PPP2R2A: variants seen among roughly 807,000 people sequenced by gnomAD.
The protein encoded by PPP2R2A is protein phosphatase 2 regulatory subunit Balpha, also known as serine/threonine-protein phosphatase 2A 55 kDa regulatory subunit B alpha isoform.
A neutral mutation model predicts 53.2 loss-of-function variants in PPP2R2A; 9 were observed. The observed-to-expected ratio is 0.17, with a 90% CI of 0.10 to 0.30. PPP2R2A has a LOEUF of 0.30. PPP2R2A is among the 10% of genes least tolerant of loss of function. The pLI is 1.00. For missense variants in PPP2R2A, 235 were observed against 534.6 expected (o/e 0.44, Z 5.53); for synonymous variants, 169 against 174.2 (o/e 0.97, Z 0.23).
rs974093986 is a variant in PPP2R2A at position 26,338,480 on chromosome 8, A to T, written c.83-410A>T. Among the ~76,000 whole-genome samples, 1 of 152,344 alleles carries T rather than the reference A, an allele frequency of 6.6e-6. No individual in the cohort carries two copies. The highest frequency in any genetic ancestry group is 3.4e-3 in the Middle Eastern group (1 of 294). Reference sequence around the variant, plus strand: ...TTTACATTTAAAATTCCCTCTCCTTATTAGTAATATGTGCCTTTATTATAG... The same window carrying T: ...TTTACATTTAAAATTCCCTCTCCTTTTTAGTAATATGTGCCTTTATTATAG... On this transcript the variant is annotated intron_variant, in intron 2 of 9. Coordinates refer to ENST00000380737, the MANE Select transcript of PPP2R2A (RefSeq NM_002717.4). This position sits in a 1 kb window ranked among gnomAD's most constrained non-coding sequence, Gnocchi z 4.5.
chr8:26,353,228 C>T (rs946334293), intron 3 of PPP2R2A, among the ~76,000 whole-genome samples: 2 of 152,116 alleles, frequency 1.3e-5, no homozygotes, highest in Non-Finnish European at 2.9e-5. Context: ...ATTTTTACCC[C>T]TTGTGTATCC....
chr8:26,318,999 A>ATTT (rs1476408094), intron 2 of PPP2R2A, among the ~76,000 whole-genome samples: 1 of 152,178 alleles, frequency 6.6e-6, no homozygotes, highest in Non-Finnish European at 1.5e-5. Context: ...CTTTATACCC[A>ATTT]TTAAAACATT....
chr8:26,292,176 C>G, intron 1 of PPP2R2A: 1 of 1,174,162 alleles, frequency 8.5e-7, no homozygotes, highest in Non-Finnish European at 1.1e-6. Context: ...CCCACCTTGC[C>G]CCCCGCCTTT....
At chr8:26,307,226 A>G (rs1333893189) in intron 2 of PPP2R2A, among the ~76,000 whole-genome samples, 1 of 152,212 alleles carries the variant, frequency 6.6e-6, no homozygotes, top group African/African-American at 2.4e-5. Flanking sequence ...GTGGACTCTA[A>G]ACAAAGCTAA....
chr8:26,291,862 A>G (rs937940866), intron 1 of PPP2R2A, 36 bp downstream of exon 1: 16 of 1,601,664 alleles, frequency 1.0e-5, no homozygotes, highest in East Asian at 2.3e-5. Flanking sequence ...CTGACAAGGC[A>G]CCGCTTCCTT....
chr8:26,343,970 T>G (rs1804082289), intron 3 of PPP2R2A, among the ~76,000 whole-genome samples: 1 of 152,218 alleles, frequency 6.6e-6, no homozygotes, highest in Non-Finnish European at 1.5e-5. Flanking sequence ...TGGACCCTTG[T>G]GTCCATGAGC....
At chr8:26,330,307 CT>C (rs11351968) in intron 2 of PPP2R2A, among the ~76,000 whole-genome samples, 92,249 of 129,964 alleles carry the variant, frequency 0.71, 31,983 homozygotes, top group East Asian at 0.83. Flanking sequence ...ATTCTTTTTT[CT>C]TTTTTTTTTT....
intron 3 of PPP2R2A, among the ~76,000 whole-genome samples, chr8:26,353,446 G>T (rs1247634565): frequency 1.3e-5 from 2 of 152,166 alleles, no homozygotes; most frequent in Admixed American, 6.5e-5. Flanking sequence ...ATAGTAATAG[G>T]CTGTTTTTAT....
intron 2 of PPP2R2A, among the ~76,000 whole-genome samples, chr8:26,301,838 G>C (rs139475609): frequency 6.6e-6 from 1 of 152,316 alleles, no homozygotes; most frequent in African/African-American, 2.4e-5. Context: ...CTTTGCAGCA[G>C]TGCTGCAGAA....
intron 3 of PPP2R2A, among the ~76,000 whole-genome samples, chr8:26,339,673 A>G (rs907510901): frequency 1.3e-5 from 2 of 152,112 alleles, no homozygotes; most frequent in Non-Finnish European, 2.9e-5. Flanking sequence ...TTTCTTATTC[A>G]TTCTCTCCTT....
intron 4 of PPP2R2A, among the ~76,000 whole-genome samples, chr8:26,359,547 G>A (rs539472274): frequency 1.3e-5 from 2 of 152,254 alleles, no homozygotes; most frequent in East Asian, 1.9e-4. Context: ...TGATACCTAG[G>A]AATTTGGTTT....
intron 2 of PPP2R2A, among the ~76,000 whole-genome samples, chr8:26,329,526 T>G (rs1017764397): frequency 2.0e-5 from 3 of 152,212 alleles, no homozygotes; most frequent in African/African-American, 7.2e-5. Flanking sequence ...CTTTTCCTAT[T>G]GAATTCTTTT....
At chr8:26,339,764 TTAAAG>T (rs1389390668) in intron 3 of PPP2R2A, 2 of 152,076 alleles carry the variant, frequency 1.3e-5, no homozygotes, top group South Asian at 2.1e-4. Context: ...TTTAAAAAGT[TTAAAG>T]TAATGTGGAT....
intron 4 of PPP2R2A, among the ~76,000 whole-genome samples, chr8:26,357,066 A>G (rs1245567173): frequency 6.6e-6 from 1 of 152,190 alleles, no homozygotes; most frequent in East Asian, 1.9e-4. Flanking sequence ...ATAGAGTCCA[A>G]TGTGGAAGGA....
chr8:26,312,800 C>T (rs1157769602), intron 2 of PPP2R2A, among the ~76,000 whole-genome samples: 3 of 152,164 alleles, frequency 2.0e-5, no homozygotes, highest in East Asian at 3.9e-4. Flanking sequence ...ACCCTTGAGG[C>T]ACCTGTTCAT....
At chr8:26,332,682 T>G (rs1312255915) in intron 2 of PPP2R2A, among the ~76,000 whole-genome samples, 1 of 152,206 alleles carries the variant, frequency 6.6e-6, no homozygotes, top group Non-Finnish European at 1.5e-5. Flanking sequence ...CCCAGTGCCT[T>G]GAATGTAGCA....
chr8:26,351,196 A>G (rs1804484318), intron 3 of PPP2R2A, among the ~76,000 whole-genome samples: 1 of 152,000 alleles, frequency 6.6e-6, no homozygotes, highest in African/African-American at 2.4e-5. Context: ...TCCAGGGAAG[A>G]CATTTCCGTT....
chr8:26,363,770 C>A lies in PPP2R2A; in HGVS notation c.852C>A (p.Ile284=). Residue 284 remains isoleucine (I), a synonymous_variant, in exon 8 of 10, where the codon ATC becomes ATA. Transcript: ENST00000380737. ...DPSNRSFFSE[I]ISSISDVKFS... is the part of the protein sequence containing the mutation. Reference sequence around the variant, plus strand: ...GTAACAGGTCATTTTTTTCCGAAATCATCTCCTCTATTTCGGATGTAAAAT... The same window carrying A: ...GTAACAGGTCATTTTTTTCCGAAATAATCTCCTCTATTTCGGATGTAAAAT... The A allele has an allele frequency of 6.3e-7, 1 of 1,599,896 alleles. No homozygotes were observed. Among genetic ancestry groups the A allele is most frequent in the Non-Finnish European group, 8.5e-7 (1 of 1,170,900 alleles).
At chr8:26,302,121 G>T (rs1449369069) in intron 2 of PPP2R2A, among the ~76,000 whole-genome samples, 1 of 152,180 alleles carries the variant, frequency 6.6e-6, no homozygotes, top group Non-Finnish European at 1.5e-5. Context: ...AGTTTCAACT[G>T]CAGTTTTCAT....
Sources: allele counts gnomAD v4.1 joint callset (sites outside exome capture counted in the v4.1 genomes callset), GRCh38; gene constraint gnomAD v4.1.1; non-coding constraint Gnocchi (gnomAD v3.1); transcripts MANE v1.5; gene names NCBI Gene and HGNC (gene_info 2026-07-23, HGNC 2026-07-21).